IMPG1: variants seen among roughly 807,000 people sequenced by gnomAD.
IMPG1 encodes the protein interphotoreceptor matrix proteoglycan 1, also known as interphotoreceptor matrix proteoglycan of 150 kDa.
In IMPG1, 85 loss-of-function variants were observed where a neutral mutation model predicts 92.0. That is an observed-to-expected ratio of 0.92 (90% confidence interval 0.78 to 1.11). The LOEUF is 1.11. IMPG1 is among the 50% of genes least tolerant of loss of function. The pLI is 0.00. For missense variants in IMPG1, 1,022 were observed against 956.0 expected (o/e 1.07, Z -0.91); for synonymous variants, 367 against 334.1 (o/e 1.10, Z -1.08).
intron 1 of IMPG1, among the ~76,000 whole-genome samples, chr6:76,066,851 C>A (rs1562390742): frequency 6.6e-6 from 1 of 152,022 alleles, no homozygotes; most frequent in East Asian, 1.9e-4. Context: ...TATCAAGTAT[C>A]TTCTCAGAGC....
intron 15 of IMPG1, among the ~76,000 whole-genome samples, chr6:75,930,735 C>G (rs755393668): frequency 1.2e-4 from 18 of 152,190 alleles, no homozygotes; most frequent in Non-Finnish European, 2.2e-4. Flanking sequence ...GCAGCATCAG[C>G]CCTACCTGAG....
chr6:75,942,935 CT>C (rs1041193156), intron 14 of IMPG1, among the ~76,000 whole-genome samples: 3 of 151,794 alleles, frequency 2.0e-5, no homozygotes, highest in African/African-American at 7.3e-5. Flanking sequence ...ACTGTACAGG[CT>C]TTTTTTTAGA....
Position 76,005,551 on chromosome 6 carries a change from A to G in IMPG1, c.888-17T>C. 6.2e-7 allele frequency: 1 copy of G among 1,611,068 alleles called. No homozygotes were observed. Among genetic ancestry groups the G allele is most frequent in the South Asian group, 1.1e-5 (1 of 90,800 alleles). ...GAGCTTGAGCTGTAGATAGCAGAGGACACATTCCCCACCCAAAGCCATTGT... is the reference window on the plus strand; with the variant it reads ...GAGCTTGAGCTGTAGATAGCAGAGGGCACATTCCCCACCCAAAGCCATTGT... On this transcript the variant is annotated splice_polypyrimidine_tract_variant and intron_variant, in intron 9 of 16. Transcript: ENST00000369950.
intron 7 of IMPG1, among the ~76,000 whole-genome samples, chr6:76,014,241 G>C (rs977340639): frequency 1.1e-4 from 16 of 152,212 alleles, no homozygotes; most frequent in African/African-American, 3.6e-4. Context: ...TGGATTGCCA[G>C]CTCCTGAGAG....
intron 12 of IMPG1, among the ~76,000 whole-genome samples, chr6:75,981,890 A>C (rs1047028333): frequency 6.6e-6 from 1 of 152,232 alleles, no homozygotes; most frequent in Non-Finnish European, 1.5e-5. Context: ...GAGCTATTTC[A>C]AACCCAAATT....
In IMPG1 at chr6:76,030,780, T is replaced by C. The variant is rs181528032; in HGVS notation, c.497+3535A>G. ...CCCTGTCAGCAGGAAGCAGTTAAGA[T>C]TGGTCTTTGTCTTTATTCTTAATCC... On this transcript the variant is annotated intron_variant, in intron 4 of 16. Coordinates refer to ENST00000369950, the MANE Select transcript of IMPG1 (RefSeq NM_001563.4). Among the ~76,000 whole-genome samples, 247 of 152,282 alleles carry C rather than the reference T, an allele frequency of 1.6e-3. 1 individual carries two copies. Among genetic ancestry groups the C allele is most frequent in the Non-Finnish European group, 3.1e-3 (209 of 68,024 alleles).
Position 76,034,848 on chromosome 6 carries a change from A to G in IMPG1, c.302-61T>C, listed in dbSNP as rs117214051. 3,963 of 1,388,618 alleles carry G rather than the reference A, an allele frequency of 2.9e-3. 11 individuals carry two copies. Among genetic ancestry groups the G allele is most frequent in the Non-Finnish European group, 3.3e-3 (3,332 of 1,008,980 alleles). 86.0% of individuals were successfully genotyped at this position (1,388,618 alleles called of 1,614,324 possible). On this transcript the variant is annotated intron_variant, in intron 2 of 16. Coordinates refer to ENST00000369950, the MANE Select transcript of IMPG1 (RefSeq NM_001563.4). ...AGGGTCCCCGTACCCAATCCCAAGCAAAGTCTAATAACATGGAAAATTATT... is the reference window on the plus strand; with the variant it reads ...AGGGTCCCCGTACCCAATCCCAAGCGAAGTCTAATAACATGGAAAATTATT...
At position 75,947,259 on chromosome 6, in the gene IMPG1, A is replaced by G. The variant is rs1030997793; in HGVS notation, c.2044+55T>C. 1.3e-5 allele frequency: 18 copies of G among 1,358,240 alleles called. No individual in the cohort carries two copies. In the South Asian group the frequency reaches 1.7e-4, roughly 13 times the overall value. 84.1% of individuals were successfully genotyped at this position (1,358,240 alleles called of 1,614,324 possible). On this transcript the variant is annotated intron_variant, in intron 14 of 16. Coordinates refer to ENST00000369950, the MANE Select transcript of IMPG1 (RefSeq NM_001563.4). ...GAAACGTGTGCTTAAAAACAGAACGAAATTAAAAAAATGAACAAAACATCT... is the reference window on the plus strand; with the variant it reads ...GAAACGTGTGCTTAAAAACAGAACGGAATTAAAAAAATGAACAAAACATCT...
rs530242958 is a variant in IMPG1, at chr6:76,052,388, A to G, written c.68-10262T>C. On this transcript the variant is annotated intron_variant, in intron 1 of 16. Coordinates refer to ENST00000369950, the MANE Select transcript of IMPG1 (RefSeq NM_001563.4). Reference sequence around the variant, plus strand: ...TGGGAAAGGAGAGAAACACATTGCAAGAAAAGATAGTACACACTGCCTCCA... The same window carrying G: ...TGGGAAAGGAGAGAAACACATTGCAGGAAAAGATAGTACACACTGCCTCCA... 3.3e-5 allele frequency among the ~76,000 whole-genome samples: 5 copies of G among 152,356 alleles called. No homozygotes were observed. In the South Asian group the frequency reaches 1.0e-3, roughly 32 times the overall value.
rs1781658129 is a variant in IMPG1, at chr6:75,931,000, A to G, written c.2196T>C (p.Pro732=). 6.2e-7 allele frequency: 1 copy of G among 1,614,098 alleles called. No homozygotes were observed. The highest frequency in any genetic ancestry group is 1.1e-5 in the South Asian group (1 of 91,088). Residue 732 remains proline (P), a synonymous_variant, in exon 15 of 17, where the codon CCT becomes CCC. Transcript: ENST00000369950. ...LDGLEPGLCG[P]GTKECEVLQG... ...GGAGGACCTCGCATTCCTTTGTGCC[A>G]GGGCCACAGAGGCCTGGTTCCAGAC...
intron 6 of IMPG1, among the ~76,000 whole-genome samples, chr6:76,019,444 G>A (rs1047089662): frequency 9.2e-5 from 14 of 152,292 alleles, no homozygotes; most frequent in Non-Finnish European, 1.8e-4. Flanking sequence ...GTCTCTTATA[G>A]TGAAATCAGA....
chr6:75,951,050 C>T lies in IMPG1; in HGVS notation c.1336G>A (p.Glu446Lys), dbSNP rs1464479772. The change falls in exon 13 of 17, where the codon GAA becomes AAA. Residue 446 changes from glutamate (E) to lysine (K), a missense_variant. Physicochemically the swap from Glu to Lys is moderately conservative, Grantham distance 56 (BLOSUM62 1). Around this residue, in one of 3 missense-constraint regions of IMPG1, gnomAD observed 681 missense variants for 583.6 expected, o/e 1.17. Transcript: ENST00000369950. ...GATGCCATAAAGAAAGGTGGAGCTTCTGACAGGGAGGTAGAGGCCATAGCA... is the reference window on the plus strand; with the variant it reads ...GATGCCATAAAGAAAGGTGGAGCTTTTGACAGGGAGGTAGAGGCCATAGCA... ...PPAMASTSLS[E>K]APPFFMASSI... 6.2e-7 allele frequency: 1 copy of T among 1,613,520 alleles called. No individual in the cohort carries two copies. The highest frequency in any genetic ancestry group is 2.2e-5 in the East Asian group (1 of 44,888).
chr6:76,041,220 T>C (rs1182264649), intron 2 of IMPG1, among the ~76,000 whole-genome samples: 1 of 152,196 alleles, frequency 6.6e-6, no homozygotes, highest in Non-Finnish European at 1.5e-5. Flanking sequence ...CTGATGGCTG[T>C]GCTGTGATTA....
At chr6:75,981,445 A>G (rs1316529894) in intron 12 of IMPG1, among the ~76,000 whole-genome samples, 1 of 152,220 alleles carries the variant, frequency 6.6e-6, no homozygotes, top group Admixed American at 6.5e-5. Context: ...GGAAAAATAA[A>G]TGACTTTTTC....
At chr6:76,068,510 CTT>C (rs1160277573) in intron 1 of IMPG1, among the ~76,000 whole-genome samples, 3 of 110,172 alleles carry the variant, frequency 2.7e-5, no homozygotes, top group Admixed American at 1.0e-4. Flanking sequence ...AATGTCCATA[CTT>C]TTTTTTTTTT....
At chr6:75,981,151 A>C (rs1782621236) in intron 12 of IMPG1, among the ~76,000 whole-genome samples, 1 of 152,158 alleles carries the variant, frequency 6.6e-6, no homozygotes, top group Non-Finnish European at 1.5e-5. Context: ...TTACATCCTA[A>C]TGATCCACAG....
rs2149457544 is a variant in IMPG1 at position 75,950,768 on chromosome 6, C to T, written c.1618G>A (p.Val540Ile). The change falls in exon 13 of 17, where the codon GTT becomes ATT. Residue 540 changes from valine (V) to isoleucine (I), a missense_variant. Val to Ile is a conservative substitution (Grantham distance 29, BLOSUM62 3). This residue lies in a region of IMPG1 where 332 missense variants were observed against 346.2 expected (regional missense o/e 0.96). Coordinates refer to ENST00000369950, the MANE Select transcript of IMPG1 (RefSeq NM_001563.4). ...PSEVPELSEY[V>I]SVPDHFLEDT... ...TCCAAGAAATGATCTGGGACAGAAA[C>T]ATATTCGCTGAGCTCTGGTACCTCA... 6.2e-7 allele frequency: 1 copy of T among 1,613,942 alleles called. No individual in the cohort carries two copies.
intron 10 of IMPG1, among the ~76,000 whole-genome samples, chr6:76,004,294 A>G (rs1466415042): frequency 6.6e-6 from 1 of 152,198 alleles, no homozygotes; most frequent in Non-Finnish European, 1.5e-5. Flanking sequence ...AAACAAAATG[A>G]CTAGAATAAA....
chr6:75,987,936 C>T lies in IMPG1; in HGVS notation c.1291+14982G>A, dbSNP rs535805919. On this transcript the variant is annotated intron_variant, in intron 12 of 16. Coordinates refer to ENST00000369950, the MANE Select transcript of IMPG1 (RefSeq NM_001563.4). ...TGCTGGGATTACAGGCGTGAGCCAC[C>T]GCACCTGGCCAAACTCATCCTTTTT... 4.7e-4 allele frequency among the ~76,000 whole-genome samples: 71 copies of T among 152,274 alleles called. No homozygotes were observed. The South Asian group carries it at 0.014, about 29-fold the overall frequency.
Sources: gnomAD v4.1 joint callset for allele counts (sites outside exome capture counted in the v4.1 genomes callset) on GRCh38, gnomAD v4.1.1 for gene constraint, gnomAD v4.1.1 regional missense constraint, MANE v1.5 for transcripts, NCBI Gene and HGNC (gene_info 2026-07-23, HGNC 2026-07-21) for gene names.